The following PHIP variants were observed in gnomAD, a reference collection of about 807,000 sequenced individuals.
PHIP encodes the protein PH-interacting protein.
In PHIP, 54 loss-of-function variants were observed where a neutral mutation model predicts 236.8. The ratio of observed to expected loss-of-function variants is 0.23; its 90% confidence interval spans 0.18 to 0.29. The LOEUF (loss-of-function observed/expected upper bound fraction) is 0.29. PHIP is among the 10% of genes least tolerant of loss of function. PHIP has a pLI of 1.00. For synonymous variants in PHIP, 756 were observed against 718.9 expected, an observed-to-expected ratio of 1.05 and a Z score of -0.83; for missense variants, 1,370 against 2,190.8, an observed-to-expected ratio of 0.63 and a Z score of 7.48.
rs36155238 is a variant in PHIP, at chr6:78,940,548, GT to G, written c.*144del. 2.9e-3 allele frequency: 240 copies of G among 82,700 alleles called. No homozygotes were observed. The highest frequency in any genetic ancestry group is 0.02 in the East Asian group (54 of 2,686). 5.1% of individuals were successfully genotyped at this position (82,700 alleles called of 1,614,324 possible). On this transcript the variant is annotated 3_prime_UTR_variant, in exon 40 of 40. Transcript: ENST00000275034. ...AAGAAGTGAAGTGTCTCGTAAGTTT[GT>G]TTTTTTTTTTTTTTTTTTTTTTGCA...
At position 79,025,971 on chromosome 6, in the gene PHIP, C is replaced by T. The variant is rs764013979; in HGVS notation, c.794G>A (p.Gly265Asp). Residue 265 changes from glycine (G) to aspartate (D), a missense_variant, in exon 8 of 40, where the codon GGC (glycine) becomes GAC (aspartate). Physicochemically the swap from Gly to Asp is moderately conservative, Grantham distance 94. Around this residue, in one of 14 missense-constraint regions of PHIP, gnomAD observed 188 missense variants for 354.3 expected, o/e 0.53. Transcript: ENST00000275034. Reference protein sequence around the residue: ...RTCAPLAVLQGHSASITSLQF... With the variant: ...RTCAPLAVLQDHSASITSLQF... ...TAGTGATGTAATAGATGCACTATGG[C>T]CCTGAAGAACAGCCAAAGGTGCACA... 1 of 1,612,700 alleles carries T rather than the reference C, an allele frequency of 6.2e-7. No homozygotes were observed. The highest frequency in any genetic ancestry group is 2.2e-5 in the East Asian group (1 of 44,810).
At chr6:78,974,704 C>G (rs1275479263) in intron 24 of PHIP, among the ~76,000 whole-genome samples, 8 of 152,044 alleles carry the variant, frequency 5.3e-5, no homozygotes, top group Non-Finnish European at 1.2e-4. Flanking sequence ...ACCACCGATC[C>G]CACAGAAATA....
intron 9 of PHIP, among the ~76,000 whole-genome samples, chr6:79,024,542 T>C (rs908081925): frequency 6.6e-6 from 1 of 152,166 alleles, no homozygotes; most frequent in Non-Finnish European, 1.5e-5. Context: ...CGGTGGCTCA[T>C]GCCTGTAATC....
rs1773330076 is a variant in PHIP at position 78,937,778 on chromosome 6, G to A, written c.*2915C>T. 1 of 151,684 alleles carries A rather than the reference G, an allele frequency of 6.6e-6. No homozygotes were observed. Among genetic ancestry groups the A allele is most frequent in the South Asian group, 2.1e-4 (1 of 4,826 alleles). 9.4% of individuals were successfully genotyped at this position (151,684 alleles called of 1,614,324 possible). On this transcript the variant is annotated 3_prime_UTR_variant, in exon 40 of 40. Coordinates refer to ENST00000275034, the MANE Select transcript of PHIP (RefSeq NM_017934.7). Reference sequence around the variant, plus strand: ...AAAAAGCTATGTATCTATTGCCCAGGGCTGTGAGTCTCTGATTAGACTAAA... The same window carrying A: ...AAAAAGCTATGTATCTATTGCCCAGAGCTGTGAGTCTCTGATTAGACTAAA...
At chr6:78,943,393 C>T (rs1471613930) in intron 39 of PHIP, among the ~76,000 whole-genome samples, 2 of 152,000 alleles carry the variant, frequency 1.3e-5, no homozygotes, top group African/African-American at 4.8e-5. Context: ...ATGCTAGAAC[C>T]AATTCATCAT....
chr6:79,054,168 T>C (rs1010795149), intron 6 of PHIP, among the ~76,000 whole-genome samples: 1 of 151,456 alleles, frequency 6.6e-6, no homozygotes. Flanking sequence ...TAACCTGTTT[T>C]TAAGAGGCAA....
At chr6:79,035,042 A>G (rs1396009616) in intron 7 of PHIP, among the ~76,000 whole-genome samples, 1 of 152,180 alleles carries the variant, frequency 6.6e-6, no homozygotes, top group Admixed American at 6.5e-5. Flanking sequence ...CTGACATCAT[A>G]GCCTGACTAT....
rs1773262120 is a variant in PHIP at position 78,936,074 on chromosome 6, T to C, written c.*4619A>G. On this transcript the variant is annotated 3_prime_UTR_variant, in exon 40 of 40. Coordinates refer to ENST00000275034, the MANE Select transcript of PHIP (RefSeq NM_017934.7). ...AAGAAAGGGCACTGCTATTCTGGTG[T>C]GAAACTGCTGTTTATAATATGATAC... 1 of 151,930 alleles carries C rather than the reference T, an allele frequency of 6.6e-6. No individual in the cohort carries two copies. Among genetic ancestry groups the C allele is most frequent in the Non-Finnish European group, 1.5e-5 (1 of 67,830 alleles). The allele number at this position is 151,930 out of a possible 1,614,324, so 9.4% of individuals were successfully genotyped here. A position where few individuals can be genotyped will look rare whatever the true frequency, so the allele number is the denominator to read the frequency against.
intron 29 of PHIP, among the ~76,000 whole-genome samples, chr6:78,965,266 A>C (rs1179615588): frequency 3.3e-5 from 5 of 152,192 alleles, no homozygotes; most frequent in Non-Finnish European, 7.3e-5. Context: ...AGTACTAAAA[A>C]GTTGGGGTGT....
In PHIP at chr6:78,935,568, CGGTAAG is replaced by C. The variant is rs1216366780; in HGVS notation, c.*5119_*5124del. 1.0e-6 allele frequency: 1 copy of C among 966,186 alleles called. No homozygotes were observed. The highest frequency in any genetic ancestry group is 1.8e-5 in the African/African-American group (1 of 56,714). 59.9% of individuals were successfully genotyped at this position (966,186 alleles called of 1,614,324 possible). On this transcript the variant is annotated 3_prime_UTR_variant, in exon 40 of 40. Coordinates refer to ENST00000275034, the MANE Select transcript of PHIP (RefSeq NM_017934.7). ...ATTTATCACTCATCACAGTAACTTA[CGGTAAG>C]AAATCAATAAAATTGTTTTATTAAA...
At chr6:78,950,345 G>A (rs1241152488) in intron 35 of PHIP, among the ~76,000 whole-genome samples, 1 of 152,160 alleles carries the variant, frequency 6.6e-6, no homozygotes, top group East Asian at 1.9e-4. Flanking sequence ...TTTGAGATCA[G>A]GGGAACACTG....
intron 7 of PHIP, among the ~76,000 whole-genome samples, chr6:79,041,683 C>T (rs1337002826): frequency 6.6e-6 from 1 of 152,042 alleles, no homozygotes; most frequent in Non-Finnish European, 1.5e-5. Flanking sequence ...CAAATTACTA[C>T]TGTAGGTATG....
chr6:78,951,623 T>G (rs1774156168), intron 35 of PHIP, among the ~76,000 whole-genome samples: 1 of 152,346 alleles, frequency 6.6e-6, no homozygotes. Flanking sequence ...GATTACATTT[T>G]TCTTATTTCT....
At chr6:78,971,726 G>GT (rs1176668561) in intron 24 of PHIP, among the ~76,000 whole-genome samples, 3 of 152,180 alleles carry the variant, frequency 2.0e-5, no homozygotes, top group African/African-American at 7.2e-5. Flanking sequence ...GAAGCACAGG[G>GT]AGTCAGGGAG....
At chr6:78,957,319 C>T (rs1187430691) in intron 32 of PHIP, 4 of 151,926 alleles carry the variant, frequency 2.6e-5, no homozygotes, top group South Asian at 2.1e-4. Context: ...AAATTACAGA[C>T]ATAAGAGTCT....
At chr6:79,071,122 C>T (rs1562225241) in intron 4 of PHIP, among the ~76,000 whole-genome samples, 1 of 152,180 alleles carries the variant, frequency 6.6e-6, no homozygotes, top group Non-Finnish European at 1.5e-5. Flanking sequence ...CTCATCCAAC[C>T]ATCCTTTTCT....
At chr6:79,065,182 C>T (rs1773565504) in intron 4 of PHIP, among the ~76,000 whole-genome samples, 1 of 152,194 alleles carries the variant, frequency 6.6e-6, no homozygotes, top group Non-Finnish European at 1.5e-5. Context: ...CATACCTTTC[C>T]CATATGCACT....
chr6:79,005,969 A>G (rs746218100), intron 15 of PHIP, among the ~76,000 whole-genome samples: 7 of 152,022 alleles, frequency 4.6e-5, no homozygotes, highest in Non-Finnish European at 7.4e-5. Flanking sequence ...TAGCAATCAT[A>G]TTTAAGATGC....
chr6:79,042,596 C>T (rs184840339), intron 7 of PHIP, among the ~76,000 whole-genome samples: 434 of 152,004 alleles, frequency 2.9e-3, no homozygotes, highest in Non-Finnish European at 4.7e-3. Flanking sequence ...TGTTGAGAAC[C>T]ATACTTATTC....
Sources: gnomAD v4.1 joint callset for allele counts (sites outside exome capture counted in the v4.1 genomes callset) on GRCh38, gnomAD v4.1.1 for gene constraint, gnomAD v4.1.1 regional missense constraint, MANE v1.5 for transcripts, NCBI Gene and HGNC (gene_info 2026-07-23, HGNC 2026-07-21) for gene names.